Variants in RASSF8 observed in about 807,000 individuals in gnomAD.
The protein encoded by RASSF8 is Ras association domain family member 8.
RASSF8 carries 22 observed loss-of-function variants against 48.5 expected under a neutral mutation model. That is an observed-to-expected ratio of 0.45 (90% CI 0.32 to 0.65). The LOEUF (loss-of-function observed/expected upper bound fraction) is 0.65. Among genes scored for constraint, RASSF8 ranks in the 30% least tolerant of loss-of-function variants. The pLI is 0.03. For synonymous variants in RASSF8, 127 were observed against 171.5 expected, an observed-to-expected ratio of 0.74 and a Z score of 2.03; for missense variants, 418 against 489.2, an observed-to-expected ratio of 0.85 and a Z score of 1.37.
chr12:25,962,214 C>T (rs942892902), intron 1 of RASSF8, among the ~76,000 whole-genome samples: 6 of 152,154 alleles, frequency 3.9e-5, no homozygotes, highest in African/African-American at 1.4e-4. Flanking sequence ...GTCATCTTGG[C>T]CAGTTCTCCA....
At chr12:26,076,957 C>T (rs1403463886), downstream of RASSF8, among the ~76,000 whole-genome samples, 1 of 152,214 alleles carries the variant, frequency 6.6e-6, no homozygotes, top group South Asian at 2.1e-4. Flanking sequence ...GATTGCCATT[C>T]TAACTGGTGT....
At chr12:26,058,261 A>T (rs934337426) in intron 3 of RASSF8, among the ~76,000 whole-genome samples, 2 of 152,196 alleles carry the variant, frequency 1.3e-5, no homozygotes, top group African/African-American at 4.8e-5. Flanking sequence ...TCATCTGGAG[A>T]TGACTCCACT....
chr12:26,049,216 CAT>C (rs1943438791), intron 2 of RASSF8, among the ~76,000 whole-genome samples: 3 of 152,280 alleles, frequency 2.0e-5, no homozygotes, highest in South Asian at 2.1e-4. Flanking sequence ...TTTTACAAAA[CAT>C]AACTTGGAAG....
intron 1 of RASSF8, among the ~76,000 whole-genome samples, chr12:25,968,057 G>T (rs1307255250): frequency 7.9e-5 from 12 of 152,188 alleles, no homozygotes; most frequent in Non-Finnish European, 1.8e-4. Flanking sequence ...CATTGACCCT[G>T]GTGCTGCTTC....
At chr12:26,035,850 A>C in intron 2 of RASSF8, among the ~76,000 whole-genome samples, 1 of 142,018 alleles carries the variant, frequency 7.0e-6, no homozygotes, top group Admixed American at 7.7e-5. Context: ...ATTATGTATT[A>C]TATAAAATAT....
chr12:26,027,587 A>G (rs953029518), intron 2 of RASSF8, among the ~76,000 whole-genome samples: 1 of 152,226 alleles, frequency 6.6e-6, no homozygotes, highest in South Asian at 2.1e-4. Context: ...TTAACCAGCC[A>G]GTTACCAGTC....
At chr12:25,986,926 T>TTTGTTTG (rs1555160452) in intron 1 of RASSF8, among the ~76,000 whole-genome samples, 36,481 of 146,674 alleles carry the variant, frequency 0.25, 5,449 homozygotes, top group Non-Finnish European at 0.33. Context: ...CGTTTTTTTT[T>TTTGTTTG]TTTGTTTGTT....
At position 25,973,504 on chromosome 12, in the gene RASSF8, A is replaced by G. The variant is rs183814823; in HGVS notation, c.-203+14356A>G. On this transcript the variant is annotated intron_variant, in intron 1 of 5. Transcript: ENST00000689635. Reference sequence around the variant, plus strand: ...TATCTATCTTCCTTATAAACTGACCATGAGGCTTAACTTGAGATGCTGAGT... The same window carrying G: ...TATCTATCTTCCTTATAAACTGACCGTGAGGCTTAACTTGAGATGCTGAGT... Among the ~76,000 whole-genome samples the G allele has an allele frequency of 3.4e-3, 518 of 152,276 alleles. 5 individuals are homozygous for G. Among genetic ancestry groups the G allele is most frequent in the African/African-American group, 0.012 (480 of 41,546 alleles).
chr12:25,964,166 A>G (rs1423322049), intron 1 of RASSF8, among the ~76,000 whole-genome samples: 3 of 152,058 alleles, frequency 2.0e-5, no homozygotes, highest in Admixed American at 1.3e-4. Flanking sequence ...CCATGTATAT[A>G]TGTCCACTGG....
chr12:26,061,951 C>T (rs1943753238), intron 3 of RASSF8, among the ~76,000 whole-genome samples: 1 of 152,184 alleles, frequency 6.6e-6, no homozygotes, highest in Admixed American at 6.5e-5. Context: ...CCTTCCAAGA[C>T]ATTCTCAGAG....
chr12:26,010,001 G>C (rs909894748), intron 2 of RASSF8, among the ~76,000 whole-genome samples: 2 of 152,208 alleles, frequency 1.3e-5, no homozygotes, highest in African/African-American at 4.8e-5. Flanking sequence ...AAAACTGATG[G>C]AGAGAGTGGT....
intron 2 of RASSF8, among the ~76,000 whole-genome samples, chr12:26,031,180 CT>C (rs1294237283): frequency 1.3e-5 from 2 of 152,224 alleles, no homozygotes; most frequent in East Asian, 1.9e-4. Flanking sequence ...TAGACTCCCC[CT>C]GCCCCATTTT....
chr12:25,966,655 T>A lies in RASSF8; in HGVS notation c.-203+7507T>A, dbSNP rs185549707. Reference sequence around the variant, plus strand: ...ATTGGGTTGTTTTCTTATTATTAAATTTTGAGAATTCTTATATATTTTGAA... The same window carrying A: ...ATTGGGTTGTTTTCTTATTATTAAAATTTGAGAATTCTTATATATTTTGAA... On this transcript the variant is annotated intron_variant, in intron 1 of 5. Transcript: ENST00000689635. Among the ~76,000 whole-genome samples, 677 of 152,360 alleles carry A rather than the reference T, an allele frequency of 4.4e-3. 6 individuals carry two copies. The highest frequency in any genetic ancestry group is 0.016 in the African/African-American group (645 of 41,582).
At chr12:26,078,335 G>A (rs952253964) in intron 5 of RASSF8, among the ~76,000 whole-genome samples, 2 of 152,310 alleles carry the variant, frequency 1.3e-5, no homozygotes, top group South Asian at 4.1e-4. Context: ...TCTCTTAAAA[G>A]ATGGCCTTGG....
At chr12:26,076,258 T>C (rs1186791269), downstream of RASSF8, among the ~76,000 whole-genome samples, 1 of 148,636 alleles carries the variant, frequency 6.7e-6, no homozygotes, top group Non-Finnish European at 1.5e-5. Context: ...ATCACAAAAA[T>C]CTTTTTTTTT....
chr12:25,983,530 C>A (rs1477968068), intron 1 of RASSF8, among the ~76,000 whole-genome samples: 15 of 152,112 alleles, frequency 9.9e-5, no homozygotes, highest in Non-Finnish European at 1.9e-4. Flanking sequence ...CTCATTTATT[C>A]TTTTTCATTA....
intron 2 of RASSF8, among the ~76,000 whole-genome samples, chr12:26,018,421 A>AT (rs990562143): frequency 1.3e-5 from 2 of 152,148 alleles, no homozygotes; most frequent in South Asian, 2.1e-4. Context: ...TCACTTTAAC[A>AT]TTTTTTTATT....
Position 26,026,323 on chromosome 12 carries a change from A to G in RASSF8, c.-108-28913A>G, listed in dbSNP as rs138599433. On this transcript the variant is annotated intron_variant, in intron 2 of 5. Transcript: ENST00000689635. ...AAAGTATCTCAGTAGACAAATATCTATGTACAAATGGCCAATCAGCAAATG... is the reference window on the plus strand; with the variant it reads ...AAAGTATCTCAGTAGACAAATATCTGTGTACAAATGGCCAATCAGCAAATG... Among the ~76,000 whole-genome samples the G allele has an allele frequency of 1.2e-4, 19 of 152,370 alleles. No individual in the cohort carries two copies. In the East Asian group the frequency reaches 3.3e-3, roughly 26 times the overall value.
chr12:26,015,377 C>T (rs1220548733), intron 2 of RASSF8, among the ~76,000 whole-genome samples: 2 of 152,104 alleles, frequency 1.3e-5, no homozygotes, highest in African/African-American at 2.4e-5. Context: ...AATCAATTAT[C>T]GTTCCTGCCT....
Sources: gnomAD v4.1 joint callset for allele counts (sites outside exome capture counted in the v4.1 genomes callset) on GRCh38, gnomAD v4.1.1 for gene constraint, MANE v1.5 for transcripts, NCBI Gene and HGNC (gene_info 2026-07-23, HGNC 2026-07-21) for gene names.